The following ABCA12 variants were observed in gnomAD, a reference collection of about 807,000 sequenced individuals.
The protein encoded by ABCA12 is ATP binding cassette subfamily A member 12.
Under a neutral mutation model 293.5 loss-of-function variants are expected in ABCA12, and 156 were observed. That is an observed-to-expected ratio of 0.53 (90% confidence interval 0.47 to 0.61). ABCA12 has a LOEUF of 0.61. Ranked by LOEUF, ABCA12 falls within the 20% of genes least tolerant of loss-of-function variation. The probability of loss-of-function intolerance (pLI) is 0.00; values close to 1 mark genes in which losing one functional copy is unlikely to be tolerated. For missense variants in ABCA12, 2,797 were observed against 3,090.2 expected (o/e 0.91, Z 2.25); for synonymous variants, 1,063 against 1,108.0 (o/e 0.96, Z 0.81).
intron 2 of ABCA12, among the ~76,000 whole-genome samples, chr2:215,098,005 G>A (rs1300151673): frequency 6.6e-6 from 1 of 152,040 alleles, no homozygotes; most frequent in Non-Finnish European, 1.5e-5. Flanking sequence ...CCTAAAAACA[G>A]CTAATTAAAG....
In ABCA12 at chr2:214,983,711, G is replaced by T; in HGVS notation, c.4318C>A (p.Leu1440Ile). The T allele has an allele frequency of 6.2e-7, 1 of 1,614,114 alleles. No individual in the cohort carries two copies. The highest frequency in any genetic ancestry group is 8.5e-7 in the Non-Finnish European group (1 of 1,180,014). The change falls in exon 29 of 53, where the codon CTC becomes ATC. Residue 1440 changes from leucine (L) to isoleucine (I), a missense_variant. Coordinates refer to ENST00000272895, the MANE Select transcript of ABCA12 (RefSeq NM_173076.3). ...GGAACTTTGATGGAACCATATAGGAGAAGGTGCTCCTTAGTAGTGAGGTAA... is the reference window on the plus strand; with the variant it reads ...GGAACTTTGATGGAACCATATAGGATAAGGTGCTCCTTAGTAGTGAGGTAA... ...FSYLTTKEHL[L>I]LYGSIKVPHW...
Position 214,948,757 on chromosome 2 carries a change from AAC to A in ABCA12, c.6963-22_6963-21del. The A allele has an allele frequency of 3.7e-6, 6 of 1,613,948 alleles. No homozygotes were observed. The highest frequency in any genetic ancestry group is 5.1e-6 in the Non-Finnish European group (6 of 1,179,916). On this transcript the variant is annotated intron_variant, in intron 46 of 52. Transcript: ENST00000272895. ...AGAGATCTGAATTGAGAGAATCAAA[AAC>A]ACAGATGAATTTCAAAAGATTTATC...
At chr2:215,056,397 A>G (rs1701421332) in intron 3 of ABCA12, among the ~76,000 whole-genome samples, 1 of 152,226 alleles carries the variant, frequency 6.6e-6, no homozygotes, top group Non-Finnish European at 1.5e-5. Flanking sequence ...GAGCTTGCTC[A>G]ACAGTAAAAT....
At chr2:215,125,602 C>T (rs1015985028) in intron 1 of ABCA12, among the ~76,000 whole-genome samples, 1 of 151,834 alleles carries the variant, frequency 6.6e-6, no homozygotes, top group East Asian at 1.9e-4. Context: ...TCTGTTTGGT[C>T]GCTGTTGGTG....
chr2:215,046,161 T>C, intron 6 of ABCA12, 146 bp from the exon 7 acceptor site: 1 of 761,356 alleles, frequency 1.3e-6, no homozygotes, highest in Non-Finnish European at 2.1e-6. Flanking sequence ...CAATCTTTTA[T>C]TTGGAAAACC....
chr2:215,033,821 G>A (rs1425032733), intron 8 of ABCA12, among the ~76,000 whole-genome samples: 3 of 152,012 alleles, frequency 2.0e-5, no homozygotes, highest in Admixed American at 6.6e-5. Flanking sequence ...GGTGCCTGTA[G>A]TCCCAGGTAC....
chr2:214,987,957 G>A (rs531126772), intron 26 of ABCA12, among the ~76,000 whole-genome samples, 164 bp from the exon 27 acceptor site: 8 of 152,186 alleles, frequency 5.3e-5, no homozygotes, highest in African/African-American at 1.2e-4. Flanking sequence ...AGCAAAAAAC[G>A]ATGCTTTTTT....
chr2:215,001,761 C>G (rs559529333), intron 20 of ABCA12, 24 bp from the exon 21 acceptor site: 1 of 1,578,828 alleles, frequency 6.3e-7, no homozygotes, highest in South Asian at 1.2e-5. Context: ...GCAAAAGAGA[C>G]AAAAAAAAAT....
At chr2:215,052,433 C>A in intron 5 of ABCA12, 54 bp downstream of exon 5, 1 of 1,426,752 alleles carries the variant, frequency 7.0e-7, no homozygotes, top group South Asian at 1.2e-5. Flanking sequence ...CTTCTATTAA[C>A]CTAAAAGGCC....
intron 42 of ABCA12, 26 bp downstream of exon 42, chr2:214,956,637 C>A (rs1294892665): frequency 6.6e-7 from 1 of 1,516,774 alleles, no homozygotes; most frequent in East Asian, 2.3e-5. Flanking sequence ...ATTAATTCTT[C>A]TTTCATTGCT....
chr2:215,110,729 C>T (rs1026557105), intron 2 of ABCA12, among the ~76,000 whole-genome samples: 14 of 152,150 alleles, frequency 9.2e-5, no homozygotes, highest in Non-Finnish European at 1.9e-4. Flanking sequence ...AAGTCACTAG[C>T]TTTTTACTCT....
At chr2:215,059,567 T>G (rs1233100260) in intron 3 of ABCA12, among the ~76,000 whole-genome samples, 9 of 152,038 alleles carry the variant, frequency 5.9e-5, no homozygotes. Flanking sequence ...GGGTTTTTTA[T>G]ATTCTTAGGA....
At chr2:215,102,936 T>TAATTTTGTAATTTTGTAATTTTGTAA (rs1250323796) in intron 2 of ABCA12, among the ~76,000 whole-genome samples, 1 of 152,218 alleles carries the variant, frequency 6.6e-6, no homozygotes, top group East Asian at 1.9e-4. Flanking sequence ...GGTTTTGTAT[T>TAATTTTGTAATTTTGTAATTTTGTAA]AATTTTGATT....
chr2:214,984,675 G>C (rs1034179618), intron 28 of ABCA12, among the ~76,000 whole-genome samples: 4 of 152,042 alleles, frequency 2.6e-5, no homozygotes, highest in East Asian at 1.9e-4. Flanking sequence ...TTCCCCATGT[G>C]ATAAATTCAT....
At chr2:215,023,624 AG>A (rs1700678026) in intron 11 of ABCA12, 1 of 152,206 alleles carries the variant, frequency 6.6e-6, no homozygotes, top group African/African-American at 2.4e-5. Flanking sequence ...GTAATTGCCC[AG>A]GGAGCATGAT....
intron 2 of ABCA12, among the ~76,000 whole-genome samples, chr2:215,105,647 A>G (rs541328104): frequency 6.6e-6 from 1 of 151,864 alleles, no homozygotes; most frequent in African/African-American, 2.4e-5. Context: ...TCACAAAGCT[A>G]TGGAAGCAAT....
chr2:215,020,533 T>C lies in ABCA12; in HGVS notation c.1288-737A>G, dbSNP rs529554134. On this transcript the variant is annotated intron_variant, in intron 11 of 52. Transcript: ENST00000272895. ...TGTGGGTTGTTAGGGGCTGGGGAAG[T>C]AGAAGATGAGGAGTTGTTTAATGAA... Among the ~76,000 whole-genome samples the C allele has an allele frequency of 2.6e-5, 4 of 152,168 alleles. No homozygotes were observed. In the East Asian group the frequency reaches 5.8e-4, roughly 22 times the overall value.
intron 13 of ABCA12, among the ~76,000 whole-genome samples, chr2:215,018,550 C>T (rs1700555470): frequency 1.3e-5 from 2 of 152,118 alleles, no homozygotes; most frequent in South Asian, 4.1e-4. Flanking sequence ...GATAAATCCA[C>T]ACATAATGCC....
At position 215,114,323 on chromosome 2, in the gene ABCA12, T is replaced by C. The variant is rs1702643531; in HGVS notation, c.70-2633A>G. Among the ~76,000 whole-genome samples the C allele has an allele frequency of 2.0e-5, 3 of 152,234 alleles. No individual in the cohort carries two copies. The South Asian group carries it at 6.2e-4, about 32-fold the overall frequency. ...AACTGAATTTCAATATAATTGGCTT[T>C]ATTTATAATCCTTTTTATTTTATTT... On this transcript the variant is annotated intron_variant, in intron 1 of 52. Coordinates refer to ENST00000272895, the MANE Select transcript of ABCA12 (RefSeq NM_173076.3).
Sources: allele counts gnomAD v4.1 joint callset (sites outside exome capture counted in the v4.1 genomes callset), GRCh38; gene constraint gnomAD v4.1.1; transcripts MANE v1.5; gene names NCBI Gene and HGNC (gene_info 2026-07-23, HGNC 2026-07-21).